GRIP1: variants seen among roughly 807,000 people sequenced by gnomAD.
GRIP1 encodes glutamate receptor interacting protein 1, also known as glutamate receptor-interacting protein 1.
A neutral mutation model predicts 129.9 loss-of-function variants in GRIP1; 45 were observed. The ratio of observed to expected loss-of-function variants is 0.35; its 90% CI spans 0.27 to 0.44. The LOEUF (loss-of-function observed/expected upper bound fraction) is 0.44. Ranked by LOEUF, GRIP1 falls within the 20% of genes least tolerant of loss-of-function variation. GRIP1 has a pLI of 1.00. For synonymous variants in GRIP1, 530 were observed against 520.8 expected (o/e 1.02, Z -0.24); for missense variants, 1,196 against 1,396.8 (o/e 0.86, Z 2.29).
At chr12:66,646,644 A>C (rs1252035482) in intron 1 of GRIP1, among the ~76,000 whole-genome samples, 9 of 152,176 alleles carry the variant, frequency 5.9e-5, no homozygotes, top group Non-Finnish European at 1.2e-4. Flanking sequence ...GAATCTTGAG[A>C]TATTTTTATT....
At chr12:67,060,637 A>T (rs1402397141) in intron 1 of GRIP1, among the ~76,000 whole-genome samples, 1 of 152,116 alleles carries the variant, frequency 6.6e-6, no homozygotes, top group Middle Eastern at 3.2e-3. Flanking sequence ...CCTGGACAAC[A>T]TGGTGAAACC....
chr12:66,803,449 C>A (rs890711066), intron 1 of GRIP1, among the ~76,000 whole-genome samples: 2 of 152,140 alleles, frequency 1.3e-5, no homozygotes, highest in Admixed American at 1.3e-4. Context: ...TATTTATAAG[C>A]TAAGTTTCAA....
At chr12:66,582,285 C>T (rs2063418891) in intron 2 of GRIP1, among the ~76,000 whole-genome samples, 1 of 141,240 alleles carries the variant, frequency 7.1e-6, no homozygotes, top group South Asian at 2.3e-4. Flanking sequence ...TATGACAAAC[C>T]AACAGCCAAT....
intron 7 of GRIP1, among the ~76,000 whole-genome samples, chr12:66,477,908 C>G (rs1279554560): frequency 6.6e-6 from 1 of 152,108 alleles, no homozygotes; most frequent in African/African-American, 2.4e-5. Context: ...AATGTTAGAC[C>G]TAAAACCATA....
chr12:67,018,113 C>G (rs529417933), intron 1 of GRIP1, among the ~76,000 whole-genome samples: 1 of 152,170 alleles, frequency 6.6e-6, no homozygotes, highest in African/African-American at 2.4e-5. Context: ...TTAGGAAAGC[C>G]CTGGCTCCCT....
chr12:66,432,189 T>C (rs1324884241), intron 14 of GRIP1, among the ~76,000 whole-genome samples: 1 of 152,170 alleles, frequency 6.6e-6, no homozygotes, highest in East Asian at 1.9e-4. Context: ...ATCTCTCATC[T>C]AATTATTTAT....
chr12:66,969,580 C>T (rs2042043642), intron 1 of GRIP1, among the ~76,000 whole-genome samples: 1 of 152,004 alleles, frequency 6.6e-6, no homozygotes, highest in Non-Finnish European at 1.5e-5. Context: ...CCACGCCTGG[C>T]TAATTTTTTT....
At chr12:67,041,260 ATG>A in intron 1 of GRIP1, among the ~76,000 whole-genome samples, 1 of 152,168 alleles carries the variant, frequency 6.6e-6, no homozygotes, top group East Asian at 1.9e-4. Context: ...GCATATATAC[ATG>A]TGTATATATC....
chr12:66,687,236 ACT>A (rs1462674233), intron 1 of GRIP1, among the ~76,000 whole-genome samples: 2 of 152,194 alleles, frequency 1.3e-5, no homozygotes, highest in South Asian at 2.1e-4. Context: ...AAGTGGAAAT[ACT>A]CTGTCACCCC....
intron 9 of GRIP1, among the ~76,000 whole-genome samples, chr12:66,461,783 G>A (rs940492511): frequency 6.6e-6 from 1 of 152,130 alleles, no homozygotes; most frequent in African/African-American, 2.4e-5. Flanking sequence ...AAAGGTGGGA[G>A]ACACAATACA....
At chr12:66,761,141 C>A (rs61926151) in intron 1 of GRIP1, among the ~76,000 whole-genome samples, 2,204 of 152,078 alleles carry the variant, frequency 0.014, 25 homozygotes, top group Middle Eastern at 0.051. Flanking sequence ...CTCCCTACCC[C>A]TTCCTGCTTG....
chr12:66,425,834 A>T (rs201017885), intron 14 of GRIP1, among the ~76,000 whole-genome samples: 405 of 131,832 alleles, frequency 3.1e-3, no homozygotes, highest in East Asian at 9.7e-3. Context: ...GGGTGGGGGA[A>T]GGGGGGAGGG....
intron 1 of GRIP1, among the ~76,000 whole-genome samples, chr12:66,677,384 A>C (rs76542742): frequency 0.032 from 4,814 of 152,246 alleles, 105 homozygotes; most frequent in South Asian, 0.036. Context: ...TTATGATGTA[A>C]GAAGACCATC....
intron 1 of GRIP1, among the ~76,000 whole-genome samples, chr12:66,685,021 C>T (rs756935857): frequency 9.9e-5 from 15 of 152,142 alleles, no homozygotes; most frequent in Non-Finnish European, 2.1e-4. Context: ...GAGCTCACTA[C>T]ATCATCACCC....
intron 1 of GRIP1, among the ~76,000 whole-genome samples, chr12:66,954,737 G>A (rs2041812140): frequency 6.6e-6 from 1 of 152,180 alleles, no homozygotes; most frequent in Admixed American, 6.5e-5. Flanking sequence ...TGAATGCAGA[G>A]ATTCCCTTCC....
intron 19 of GRIP1, among the ~76,000 whole-genome samples, chr12:66,388,307 T>G (rs535538162): frequency 6.6e-6 from 1 of 152,330 alleles, no homozygotes; most frequent in South Asian, 2.1e-4. Context: ...GACATCTGGA[T>G]GAAATAATTT....
At chr12:66,394,824 T>C (rs1262450410) in intron 16 of GRIP1, among the ~76,000 whole-genome samples, 1 of 152,176 alleles carries the variant, frequency 6.6e-6, no homozygotes, top group Non-Finnish European at 1.5e-5. Flanking sequence ...GAAAAGTGGA[T>C]TTTGCGAAGG....
chr12:66,502,305 A>G (rs896624467), intron 7 of GRIP1, among the ~76,000 whole-genome samples: 3 of 152,184 alleles, frequency 2.0e-5, no homozygotes, highest in African/African-American at 4.8e-5. Context: ...AGAAAAATTT[A>G]TAAGTTATTT....
At chr12:66,726,814 C>A (rs1305946463) in intron 1 of GRIP1, among the ~76,000 whole-genome samples, 2 of 152,178 alleles carry the variant, frequency 1.3e-5, no homozygotes, top group Non-Finnish European at 2.9e-5. Flanking sequence ...TCATTCTGCC[C>A]ATTAAGTAAG....
Sources: gnomAD v4.1 joint callset for allele counts (sites outside exome capture counted in the v4.1 genomes callset) on GRCh38, gnomAD v4.1.1 for gene constraint, MANE v1.5 for transcripts, NCBI Gene and HGNC (gene_info 2026-07-23, HGNC 2026-07-21) for gene names.